Variants in ZNF804B observed in about 807,000 individuals in gnomAD.
The protein encoded by ZNF804B is zinc finger protein 804B.
ZNF804B carries 80 observed loss-of-function variants against 101.4 expected under a neutral mutation model. The observed-to-expected ratio is 0.79, with a 90% CI of 0.66 to 0.95. The LOEUF is 0.95. Ranked by LOEUF, ZNF804B falls within the 40% of genes least tolerant of loss-of-function variation. The pLI is 0.00. For synonymous variants in ZNF804B, 622 were observed against 558.8 expected, an observed-to-expected ratio of 1.11 and a Z score of -1.59; for missense variants, 1,673 against 1,561.9, an observed-to-expected ratio of 1.07 and a Z score of -1.20.
chr7:89,197,791 T>C (rs1335733860), intron 1 of ZNF804B, among the ~76,000 whole-genome samples: 1 of 151,906 alleles, frequency 6.6e-6, no homozygotes, highest in Admixed American at 6.6e-5. Context: ...TTTCGTTATA[T>C]AGAGTTAAAG....
intron 1 of ZNF804B, among the ~76,000 whole-genome samples, chr7:89,076,579 T>G (rs941466117): frequency 1.3e-5 from 2 of 152,190 alleles, no homozygotes; most frequent in Non-Finnish European, 2.9e-5. Flanking sequence ...ACCTCTCTTA[T>G]GTACATAAGA....
Position 89,064,222 on chromosome 7 carries a change from C to G in ZNF804B, c.109-153933C>G, listed in dbSNP as rs535540268. ...TGGGCTTTTATAAGAGTGCCTGATT[C>G]AGCCACTGGATATTGTCTGCTCCAG... On this transcript the variant is annotated intron_variant, in intron 1 of 3. Transcript: ENST00000333190. Among the ~76,000 whole-genome samples the G allele has an allele frequency of 2.0e-5, 3 of 152,180 alleles. No homozygotes were observed. In the East Asian group the frequency reaches 5.8e-4, roughly 30 times the overall value.
intron 1 of ZNF804B, among the ~76,000 whole-genome samples, chr7:88,932,585 A>C (rs1234694791): frequency 6.6e-6 from 1 of 151,850 alleles, no homozygotes; most frequent in Non-Finnish European, 1.5e-5. Flanking sequence ...ACACCATAGA[A>C]ATTCCAAAGA....
chr7:88,835,960 G>A (rs1791210383), intron 1 of ZNF804B, among the ~76,000 whole-genome samples: 1 of 151,936 alleles, frequency 6.6e-6, no homozygotes, highest in Non-Finnish European at 1.5e-5. Flanking sequence ...ATTTGAGTGA[G>A]CCAAACATTC....
At chr7:89,263,428 A>G (rs1789739513) in intron 2 of ZNF804B, among the ~76,000 whole-genome samples, 1 of 151,962 alleles carries the variant, frequency 6.6e-6, no homozygotes, top group Non-Finnish European at 1.5e-5. Flanking sequence ...TTTTGTTTTT[A>G]GTGGAGCTAT....
chr7:89,208,878 G>A (rs1788760160), intron 1 of ZNF804B, among the ~76,000 whole-genome samples: 1 of 152,074 alleles, frequency 6.6e-6, no homozygotes, highest in Non-Finnish European at 1.5e-5. Context: ...CGGGCGAGCT[G>A]GCAGGCCCGT....
chr7:88,766,347 A>T (rs760319798), intron 1 of ZNF804B, among the ~76,000 whole-genome samples: 6 of 152,140 alleles, frequency 3.9e-5, no homozygotes, highest in African/African-American at 4.8e-5. Context: ...GGGGGTTTTG[A>T]TTTGCTTTTT....
intron 1 of ZNF804B, among the ~76,000 whole-genome samples, chr7:88,986,735 C>T (rs988455915): frequency 3.3e-5 from 5 of 152,126 alleles, no homozygotes; most frequent in Non-Finnish European, 7.4e-5. Flanking sequence ...TTGTCCTTAT[C>T]ATGGCCTATT....
intron 1 of ZNF804B, among the ~76,000 whole-genome samples, chr7:88,963,685 C>G (rs536832443): frequency 1.0e-3 from 153 of 151,210 alleles, no homozygotes; most frequent in South Asian, 2.3e-3. Flanking sequence ...TGTATATCAT[C>G]AAAATTAAAA....
At chr7:89,065,052 A>G (rs1789438834) in intron 1 of ZNF804B, among the ~76,000 whole-genome samples, 1 of 149,178 alleles carries the variant, frequency 6.7e-6, no homozygotes, top group South Asian at 2.2e-4. Flanking sequence ...AAAAATCACT[A>G]GAATTCCTCT....
intron 1 of ZNF804B, among the ~76,000 whole-genome samples, chr7:89,077,547 G>A (rs561484069): frequency 6.6e-5 from 10 of 152,220 alleles, no homozygotes; most frequent in Non-Finnish European, 1.3e-4. Flanking sequence ...GAAAGGAAGA[G>A]GAAGATAAAA....
chr7:88,992,862 A>G (rs1228311390), intron 1 of ZNF804B, among the ~76,000 whole-genome samples: 2 of 152,044 alleles, frequency 1.3e-5, no homozygotes, highest in Non-Finnish European at 2.9e-5. Context: ...CTCTTTGTGT[A>G]TAGTAATCAA....
rs760645025 is a variant in ZNF804B, at chr7:89,336,863, C to T, written c.3881C>T (p.Thr1294Ile). Residue 1294 changes from threonine to isoleucine, a missense_variant, in exon 4 of 4, where the codon ACA (threonine) becomes ATA (isoleucine). By Grantham distance (89) the Thr-to-Ile change is moderately conservative. Transcript: ENST00000333190. The stretch of plus-strand genomic sequence containing the variant: ...CTGCCCCCTACAGCATTTATTCCTA[C>T]ATTGTTTGGTCCTCACTTAAATCCA... ...QPLPPTAFIP[T>I]LFGPHLNPAT... 4 of 1,614,100 alleles carry T rather than the reference C, an allele frequency of 2.5e-6. No homozygotes were observed. Among genetic ancestry groups the T allele is most frequent in the Non-Finnish European group, 3.4e-6 (4 of 1,180,008 alleles).
At chr7:89,255,319 T>C (rs1412775933) in intron 2 of ZNF804B, among the ~76,000 whole-genome samples, 1 of 152,122 alleles carries the variant, frequency 6.6e-6, no homozygotes, top group African/African-American at 2.4e-5. Flanking sequence ...ACATGGGGAT[T>C]ATGGGGATTA....
chr7:89,117,556 A>C (rs1358637216), intron 1 of ZNF804B, among the ~76,000 whole-genome samples: 2 of 152,234 alleles, frequency 1.3e-5, no homozygotes, highest in Non-Finnish European at 2.9e-5. Flanking sequence ...GCCATTACTC[A>C]GTATGATACC....
intron 1 of ZNF804B, among the ~76,000 whole-genome samples, chr7:89,133,069 G>A (rs537648137): frequency 1.1e-4 from 16 of 152,058 alleles, no homozygotes; most frequent in African/African-American, 3.9e-4. Flanking sequence ...GATTTAGGCA[G>A]GGGGCGTGTA....
chr7:89,014,778 A>G (rs1203465825), intron 1 of ZNF804B, among the ~76,000 whole-genome samples: 2 of 152,202 alleles, frequency 1.3e-5, no homozygotes, highest in African/African-American at 4.8e-5. Flanking sequence ...AATAGTTTGC[A>G]AACATTTTCT....
intron 1 of ZNF804B, among the ~76,000 whole-genome samples, chr7:88,969,716 T>C (rs898918376): frequency 6.6e-6 from 1 of 151,650 alleles, no homozygotes; most frequent in Non-Finnish European, 1.5e-5. Context: ...TTGCATTTAT[T>C]AGCTAAAATT....
intron 1 of ZNF804B, among the ~76,000 whole-genome samples, chr7:89,103,064 T>TTTGTTTTG (rs1562885464): frequency 2.2e-5 from 3 of 135,084 alleles, no homozygotes; most frequent in African/African-American, 9.0e-5. Context: ...TTTTTTTTTT[T>TTTGTTTTG]TTTTTTTTTT....
Sources: gnomAD v4.1 joint callset for allele counts (sites outside exome capture counted in the v4.1 genomes callset) on GRCh38, gnomAD v4.1.1 for gene constraint, MANE v1.5 for transcripts, NCBI Gene and HGNC (gene_info 2026-07-23, HGNC 2026-07-21) for gene names.